The following MYLK4 variants were observed in gnomAD, a reference collection of about 807,000 sequenced individuals.
MYLK4 encodes the protein myosin light chain kinase family member 4, also known as caMLCK like.
In MYLK4, 46 loss-of-function variants were observed where a neutral mutation model predicts 48.1. The observed-to-expected ratio is 0.96, with a 90% CI of 0.75 to 1.22. The LOEUF (loss-of-function observed/expected upper bound fraction) is 1.22, where lower values mean the gene tolerates loss of function less well. Ranked by LOEUF, MYLK4 falls within the 50% of genes most tolerant of loss-of-function variation. The pLI is 0.00. For synonymous variants in MYLK4, 170 were observed against 180.8 expected, an observed-to-expected ratio of 0.94 and a Z score of 0.48; for missense variants, 451 against 486.1, an observed-to-expected ratio of 0.93 and a Z score of 0.68.
chr6:2,671,759 C>T (rs573503841), intron 11 of MYLK4, among the ~76,000 whole-genome samples: 8 of 152,268 alleles, frequency 5.3e-5, no homozygotes, highest in Non-Finnish European at 8.8e-5. Flanking sequence ...GAGTAGACAA[C>T]GGTAATGTGA....
At chr6:2,750,320 T>C (rs1764251534) in intron 1 of MYLK4, among the ~76,000 whole-genome samples, 1 of 152,232 alleles carries the variant, frequency 6.6e-6, no homozygotes, top group Non-Finnish European at 1.5e-5. Context: ...GTGTTTAAAA[T>C]TCACTGCTCT....
intron 11 of MYLK4, 50 bp downstream of exon 11, chr6:2,674,997 A>G (rs781294524): frequency 7.5e-7 from 1 of 1,336,756 alleles, no homozygotes; most frequent in East Asian, 2.3e-5. Context: ...CTGATCTTCA[A>G]AAGACAGGCA....
chr6:2,739,973 T>A (rs1445041527), intron 2 of MYLK4, among the ~76,000 whole-genome samples: 1 of 152,220 alleles, frequency 6.6e-6, no homozygotes, highest in Admixed American at 6.5e-5. Flanking sequence ...GGGCCAGGAC[T>A]GGAAGCTGCA....
intron 2 of MYLK4, among the ~76,000 whole-genome samples, chr6:2,697,000 C>T (rs1268356477): frequency 2.0e-5 from 3 of 151,928 alleles, no homozygotes; most frequent in South Asian, 2.1e-4. Flanking sequence ...CGGAGGTTGC[C>T]GTGAGTCAAG....
intron 2 of MYLK4, among the ~76,000 whole-genome samples, chr6:2,720,067 C>G (rs1228035180): frequency 1.3e-5 from 2 of 152,028 alleles, no homozygotes; most frequent in African/African-American, 4.8e-5. Flanking sequence ...GATTCTAATA[C>G]ACAGACAAGT....
chr6:2,695,014 T>TCATA (rs1192780519), intron 2 of MYLK4, among the ~76,000 whole-genome samples: 2 of 152,072 alleles, frequency 1.3e-5, no homozygotes, highest in African/African-American at 4.8e-5. Context: ...AGAGAGAAGG[T>TCATA]CATAAATCAA....
chr6:2,687,597 CAT>C (rs1163773908), intron 4 of MYLK4, among the ~76,000 whole-genome samples: 1 of 152,162 alleles, frequency 6.6e-6, no homozygotes, highest in East Asian at 1.9e-4. Flanking sequence ...CTCAGGCTTC[CAT>C]GGAGCCAGTT....
rs201871996 is a variant in MYLK4, at chr6:2,688,305, C to CGCCTCAGT, written c.341+538_341+545dup. Among the ~76,000 whole-genome samples, 605 of 152,212 alleles carry CGCCTCAGT rather than the reference C, an allele frequency of 4.0e-3. 13 individuals carry two copies. Among genetic ancestry groups the CGCCTCAGT allele is most frequent in the Admixed American group, 0.034 (523 of 15,294 alleles). ...AACTCCTGACCTCAAGTGATCTGCCCGCCTCAGTTTCCCAAAGTGCTGGGA... is the reference window on the plus strand; with the variant it reads ...AACTCCTGACCTCAAGTGATCTGCCCGCCTCAGTGCCTCAGTTTCCCAAAGTGCTGGGA... On this transcript the variant is annotated intron_variant, in intron 4 of 12. Transcript: ENST00000274643.
chr6:2,767,990 C>T, the MYLK4 span, among the ~76,000 whole-genome samples: 10 of 152,332 alleles, frequency 6.6e-5, no homozygotes, highest in African/African-American at 2.2e-4. Context: ...ATTAAACAGT[C>T]TTCAGTTTTT....
intron 2 of MYLK4, among the ~76,000 whole-genome samples, chr6:2,745,118 C>T (rs6927195): frequency 2.6e-5 from 4 of 151,766 alleles, no homozygotes; most frequent in Admixed American, 1.3e-4. Context: ...GGTGGTACAC[C>T]GAGGAAAGCA....
the MYLK4 span, among the ~76,000 whole-genome samples, chr6:2,769,296 A>G: frequency 6.6e-6 from 1 of 152,136 alleles, no homozygotes; most frequent in African/African-American, 2.4e-5. Flanking sequence ...CTGTAACTCC[A>G]GGCTCTGTCT....
chr6:2,749,973 A>C (rs1022072023), intron 1 of MYLK4, among the ~76,000 whole-genome samples: 3 of 152,204 alleles, frequency 2.0e-5, no homozygotes, highest in Non-Finnish European at 2.9e-5. Context: ...ATTAACAGCT[A>C]TGTACCGAGA....
chr6:2,679,393 C>T lies in MYLK4; in HGVS notation c.774G>A (p.Glu258=), dbSNP rs979849619. The change falls in exon 9 of 13, where the codon GAG becomes GAA. Residue 258 remains glutamate, a synonymous_variant. Coordinates refer to ENST00000274643, the MANE Select transcript of MYLK4 (RefSeq NM_001012418.5). ...FGLARRYKPR[E]KLKVNFGTPE... Reference sequence around the variant, plus strand: ...GGGTTCCAAAGTTCACCTTCAGCTTCTCTCTGGGTTTGTATCTGCAATTTA... The same window carrying T: ...GGGTTCCAAAGTTCACCTTCAGCTTTTCTCTGGGTTTGTATCTGCAATTTA... 6.2e-7 allele frequency: 1 copy of T among 1,614,062 alleles called. No individual in the cohort carries two copies. Among genetic ancestry groups the T allele is most frequent in the Admixed American group, 1.7e-5 (1 of 60,002 alleles).
intron 2 of MYLK4, among the ~76,000 whole-genome samples, chr6:2,711,646 T>G (rs942490): frequency 0.86 from 130,696 of 152,198 alleles, 56,194 homozygotes; most frequent in Admixed American, 0.89. Context: ...GACCACGACC[T>G]CACAGCAACA....
chr6:2,679,170 T>C (rs1561833190), intron 9 of MYLK4, 110 bp downstream of exon 9: 19 of 1,284,878 alleles, frequency 1.5e-5, no homozygotes, highest in Non-Finnish European at 1.7e-5. Flanking sequence ...GATGGGACAG[T>C]GTTATTTATT....
chr6:2,738,434 T>C (rs1763776484), intron 2 of MYLK4, among the ~76,000 whole-genome samples: 1 of 152,250 alleles, frequency 6.6e-6, no homozygotes, highest in East Asian at 1.9e-4. Flanking sequence ...GAATCATTAG[T>C]TCCAGTGTAG....
chr6:2,738,298 T>A (rs1164149577), intron 2 of MYLK4, among the ~76,000 whole-genome samples: 1 of 152,246 alleles, frequency 6.6e-6, no homozygotes, highest in Non-Finnish European at 1.5e-5. Context: ...TCAAGACTTA[T>A]GACTAACAGA....
At chr6:2,674,744 G>A (rs1001627704) in intron 11 of MYLK4, among the ~76,000 whole-genome samples, 3 of 152,082 alleles carry the variant, frequency 2.0e-5, no homozygotes, top group South Asian at 2.1e-4. Flanking sequence ...GGTGGCACAC[G>A]CCTGTAATCC....
chr6:2,699,656 A>G (rs915803028), intron 2 of MYLK4, among the ~76,000 whole-genome samples: 3 of 152,112 alleles, frequency 2.0e-5, no homozygotes, highest in Admixed American at 6.6e-5. Context: ...CAGGATGGTC[A>G]AATTTACTCC....
Sources: allele counts gnomAD v4.1 joint callset (sites outside exome capture counted in the v4.1 genomes callset), GRCh38; gene constraint gnomAD v4.1.1; transcripts MANE v1.5; gene names NCBI Gene and HGNC (gene_info 2026-07-23, HGNC 2026-07-21).